LARP4B: variants seen among roughly 807,000 people sequenced by gnomAD.
The protein encoded by LARP4B is la-related protein 4B.
In LARP4B, 12 loss-of-function variants were observed where a neutral mutation model predicts 89.8. The observed-to-expected ratio is 0.13, with a 90% CI of 0.09 to 0.22. LARP4B has a LOEUF of 0.22. Ranked by LOEUF, LARP4B falls within the 10% of genes least tolerant of loss-of-function variation. The pLI, the probability that LARP4B is intolerant of heterozygous loss-of-function variation, is 1.00. For synonymous variants in LARP4B, 367 were observed against 363.3 expected (o/e 1.01, Z -0.12); for missense variants, 757 against 947.7 (o/e 0.80, Z 2.64).
At chr10:836,861 C>A (rs1417449216) in intron 7 of LARP4B, among the ~76,000 whole-genome samples, 3 of 152,212 alleles carry the variant, frequency 2.0e-5, no homozygotes, top group Non-Finnish European at 2.9e-5. Context: ...TGATGATCAT[C>A]CCTCACCTAA....
At chr10:817,078 G>A (rs998969921) in intron 15 of LARP4B, among the ~76,000 whole-genome samples, 1 of 152,214 alleles carries the variant, frequency 6.6e-6, no homozygotes, top group East Asian at 1.9e-4. Flanking sequence ...ATGCACAGTA[G>A]GTAACTGGGC....
chr10:888,745 C>T (rs369175881), intron 1 of LARP4B, among the ~76,000 whole-genome samples: 1 of 152,150 alleles, frequency 6.6e-6, no homozygotes, highest in Non-Finnish European at 1.5e-5. Context: ...GTATAACCAC[C>T]ACTGGATTTA....
Position 842,999 on chromosome 10 carries a change from C to A in LARP4B, c.579G>T (p.Thr193=). 6.2e-7 allele frequency: 1 copy of A among 1,614,038 alleles called. No individual in the cohort carries two copies. The highest frequency in any genetic ancestry group is 8.5e-7 in the Non-Finnish European group (1 of 1,179,902). The change falls in exon 7 of 18, where the codon ACG becomes ACT. Residue 193 remains threonine (T), a synonymous_variant. Coordinates refer to ENST00000316157, the MANE Select transcript of LARP4B (RefSeq NM_015155.3). ...TCTTGATGTGGTCGAGGTTAGCCACCGTTGTGATTGGCACATACTGGTCAC... is the reference window on the plus strand; with the variant it reads ...TCTTGATGTGGTCGAGGTTAGCCACAGTTGTGATTGGCACATACTGGTCAC... The part of the protein sequence containing the change: ...MDSDQYVPIT[T]VANLDHIKKL...
At chr10:922,419 C>T (rs1436416749) in intron 1 of LARP4B, among the ~76,000 whole-genome samples, 1 of 152,174 alleles carries the variant, frequency 6.6e-6, no homozygotes, top group African/African-American at 2.4e-5. Flanking sequence ...AGCCTGGTAA[C>T]AACTGTCAAT....
At chr10:911,698 C>T (rs1382744136) in intron 1 of LARP4B, among the ~76,000 whole-genome samples, 1 of 152,198 alleles carries the variant, frequency 6.6e-6, no homozygotes. Flanking sequence ...GAAGGGTCTT[C>T]TGTTTTCAGT....
chr10:968,001 CCT>C, the LARP4B span, among the ~76,000 whole-genome samples: 10 of 152,166 alleles, frequency 6.6e-5, no homozygotes, highest in African/African-American at 7.2e-5. Flanking sequence ...CGCGCCCGGC[CCT>C]GTTTTCTATG....
upstream of LARP4B, among the ~76,000 whole-genome samples, chr10:934,999 G>A (rs560740646): frequency 3.9e-5 from 6 of 152,270 alleles, no homozygotes; most frequent in Admixed American, 1.3e-4. Flanking sequence ...CTGCCCAGGA[G>A]GATAAAGTCC....
At chr10:914,514 G>C (rs1343171756) in intron 1 of LARP4B, among the ~76,000 whole-genome samples, 1 of 146,666 alleles carries the variant, frequency 6.8e-6, no homozygotes, top group Non-Finnish European at 1.5e-5. Context: ...AAAAAAAGTC[G>C]AGTGAGGCGT....
At chr10:887,424 A>T (rs1004191122) in intron 1 of LARP4B, among the ~76,000 whole-genome samples, 12 of 152,080 alleles carry the variant, frequency 7.9e-5, no homozygotes, top group African/African-American at 2.9e-4. Flanking sequence ...AAAAAAAAAA[A>T]AAAGGTCAGA....
chr10:838,949 C>T (rs35957139), intron 7 of LARP4B, among the ~76,000 whole-genome samples: 15,978 of 152,218 alleles, frequency 0.1, 1,141 homozygotes, highest in Non-Finnish European at 0.16. Context: ...AATGATCTAT[C>T]AAGCCACGAA....
chr10:969,224 T>C, the LARP4B span, among the ~76,000 whole-genome samples: 2 of 152,200 alleles, frequency 1.3e-5, no homozygotes, highest in African/African-American at 4.8e-5. Flanking sequence ...TTTTACGAGG[T>C]AGGCAGTGAC....
chr10:866,664 G>C (rs552681328), intron 3 of LARP4B, among the ~76,000 whole-genome samples: 2 of 152,292 alleles, frequency 1.3e-5, no homozygotes, highest in East Asian at 3.9e-4. Context: ...ACACAATCCA[G>C]TTTTCCAGCC....
At chr10:945,528 T>C in the LARP4B span, among the ~76,000 whole-genome samples, 1 of 122,066 alleles carries the variant, frequency 8.2e-6, no homozygotes, top group African/African-American at 3.1e-5. Flanking sequence ...CTACTAAAAA[T>C]ACAAAAAAAA....
intron 13 of LARP4B, among the ~76,000 whole-genome samples, chr10:821,594 T>G (rs1052958734): frequency 6.6e-6 from 1 of 152,244 alleles, no homozygotes; most frequent in Non-Finnish European, 1.5e-5. Context: ...CACATTCATC[T>G]CAATGGATAA....
At chr10:848,696 T>C (rs1833896843) in intron 5 of LARP4B, among the ~76,000 whole-genome samples, 1 of 151,782 alleles carries the variant, frequency 6.6e-6, no homozygotes, top group Non-Finnish European at 1.5e-5. Context: ...AACAGAAGCT[T>C]CCCAAAATCA....
In LARP4B at chr10:817,985, A is replaced by T. The variant is rs956991504; in HGVS notation, c.1531-96T>A. The T allele has an allele frequency of 2.4e-6, 3 of 1,258,660 alleles. No individual in the cohort carries two copies. In the African/African-American group the frequency reaches 4.5e-5, roughly 19 times the overall value. 78.0% of individuals were successfully genotyped at this position (1,258,660 alleles called of 1,614,324 possible). A position where few individuals can be genotyped will look rare whatever the true frequency, so the allele number is the denominator to read the frequency against. On this transcript the variant is annotated intron_variant, in intron 14 of 17. Coordinates refer to ENST00000316157, the MANE Select transcript of LARP4B (RefSeq NM_015155.3). ...TGTCTGGAAAATATCTGTAGAAACA[A>T]GCAGATCATTCAACCCAGACAAGGG...
At chr10:886,948 G>C (rs926731595) in intron 1 of LARP4B, among the ~76,000 whole-genome samples, 1 of 152,310 alleles carries the variant, frequency 6.6e-6, no homozygotes, top group East Asian at 1.9e-4. Context: ...AATTAGCTGG[G>C]TGTGGTGGTG....
rs188896637 is a variant in LARP4B, at chr10:840,692, A to T, written c.646+2240T>A. On this transcript the variant is annotated intron_variant, in intron 7 of 17. Transcript: ENST00000316157. ...CATTGTGTTTACTGTGACATTAAAA[A>T]TAATCTGGAAATGTAACTTATGCAA... Among the ~76,000 whole-genome samples, 5 of 152,254 alleles carry T rather than the reference A, an allele frequency of 3.3e-5. No homozygotes were observed. In the East Asian group the frequency reaches 9.7e-4, roughly 30 times the overall value.
rs1223116175 is a variant in LARP4B, at chr10:810,654, T to C, written c.*2272A>G. 2.0e-5 allele frequency: 3 copies of C among 152,212 alleles called. No individual in the cohort carries two copies. Among genetic ancestry groups the C allele is most frequent in the African/African-American group, 7.2e-5 (3 of 41,468 alleles). 9.4% of individuals were successfully genotyped at this position (152,212 alleles called of 1,614,324 possible). A position where few individuals can be genotyped will look rare whatever the true frequency, so the allele number is the denominator to read the frequency against. On this transcript the variant is annotated 3_prime_UTR_variant, in exon 18 of 18. Coordinates refer to ENST00000316157, the MANE Select transcript of LARP4B (RefSeq NM_015155.3). ...CTCACTGGCGGACGGGCAGGCCTTG[T>C]GTTTTGGGAATGGCTGATGGCGCCC...
Sources: gnomAD v4.1 joint callset for allele counts (sites outside exome capture counted in the v4.1 genomes callset) on GRCh38, gnomAD v4.1.1 for gene constraint, MANE v1.5 for transcripts, NCBI Gene and HGNC (gene_info 2026-07-23, HGNC 2026-07-21) for gene names.